RBFOX1: variants seen among roughly 807,000 people sequenced by gnomAD.
RBFOX1 encodes RNA binding protein fox-1 homolog 1.
A neutral mutation model predicts 57.7 loss-of-function variants in RBFOX1; 8 were observed. The ratio of observed to expected loss-of-function variants is 0.14; its 90% CI spans 0.08 to 0.25. The LOEUF (loss-of-function observed/expected upper bound fraction) is 0.25, where lower values mean the gene tolerates loss of function less well. Among genes scored for constraint, RBFOX1 ranks in the 10% least tolerant of loss-of-function variants. The pLI is 1.00. For synonymous variants in RBFOX1, 326 were observed against 222.4 expected, an observed-to-expected ratio of 1.47 and a Z score of -4.15; for missense variants, 611 against 548.5, an observed-to-expected ratio of 1.11 and a Z score of -1.14.
chr16:7,560,676 A>C (rs1407931781), intron 5 of RBFOX1, among the ~76,000 whole-genome samples: 1 of 152,088 alleles, frequency 6.6e-6, no homozygotes, highest in Non-Finnish European at 1.5e-5. Flanking sequence ...AGAAAGGGCG[A>C]GTGACTTTCT....
chr16:7,002,232 C>T (rs976492608), intron 3 of RBFOX1, among the ~76,000 whole-genome samples: 5 of 152,116 alleles, frequency 3.3e-5, no homozygotes, highest in South Asian at 2.1e-4. Flanking sequence ...TCACTTGAGG[C>T]CCTGGATACA....
intron 5 of RBFOX1, among the ~76,000 whole-genome samples, chr16:7,566,553 C>T (rs975504551): frequency 6.6e-6 from 1 of 152,146 alleles, no homozygotes; most frequent in African/African-American, 2.4e-5. Flanking sequence ...CGCCTAACCT[C>T]TCTGAGCCTC....
At chr16:7,424,281 T>G (rs1044682995) in intron 4 of RBFOX1, among the ~76,000 whole-genome samples, 2 of 151,688 alleles carry the variant, frequency 1.3e-5, no homozygotes, top group Admixed American at 6.6e-5. Flanking sequence ...TATATGGGGG[T>G]GGGGGTCTAG....
chr16:5,706,820 C>G (rs151054727), intron 3 of RBFOX1, among the ~76,000 whole-genome samples: 22 of 151,890 alleles, frequency 1.4e-4, no homozygotes, highest in Non-Finnish European at 2.6e-4. Context: ...GGAGGAATCA[C>G]TGGGGCAGGG....
At chr16:7,242,823 G>A (rs1417260297) in intron 4 of RBFOX1, among the ~76,000 whole-genome samples, 3 of 152,198 alleles carry the variant, frequency 2.0e-5, no homozygotes, top group Non-Finnish European at 4.4e-5. Context: ...ATTCAGACCC[G>A]ACTGACTTTG....
At chr16:6,165,312 A>G in intron 1 of RBFOX1, among the ~76,000 whole-genome samples, 1 of 152,194 alleles carries the variant, frequency 6.6e-6, no homozygotes, top group Non-Finnish European at 1.5e-5. Context: ...TTGGTTGAAA[A>G]TATTAATCTT....
At chr16:5,670,574 C>T (rs968825386) in intron 3 of RBFOX1, among the ~76,000 whole-genome samples, 1 of 152,208 alleles carries the variant, frequency 6.6e-6, no homozygotes, top group Non-Finnish European at 1.5e-5. Context: ...TGCCTGAGGT[C>T]CTGGGTTTCT....
intron 4 of RBFOX1, among the ~76,000 whole-genome samples, chr16:7,177,451 A>C (rs529293949): frequency 6.6e-6 from 1 of 152,110 alleles, no homozygotes; most frequent in African/African-American, 2.4e-5. Context: ...AAAATACCAC[A>C]AGCACACTGT....
chr16:6,895,554 T>C (rs1280686280), intron 3 of RBFOX1, among the ~76,000 whole-genome samples: 1 of 148,192 alleles, frequency 6.7e-6, no homozygotes. Flanking sequence ...CTGCACATGA[T>C]TGATGAGAGG....
chr16:7,475,894 A>G (rs2062583088), intron 4 of RBFOX1, among the ~76,000 whole-genome samples: 1 of 152,228 alleles, frequency 6.6e-6, no homozygotes, highest in Non-Finnish European at 1.5e-5. Context: ...GAAGTGGGGT[A>G]AGAAGTTCAC....
intron 4 of RBFOX1, among the ~76,000 whole-genome samples, chr16:7,323,604 G>A (rs2096573626): frequency 1.3e-5 from 2 of 152,214 alleles, no homozygotes; most frequent in African/African-American, 4.8e-5. Context: ...TACGGCCTTG[G>A]CCAATTCACT....
intron 4 of RBFOX1, among the ~76,000 whole-genome samples, chr16:7,327,752 T>G (rs1450020501): frequency 1.3e-5 from 2 of 152,144 alleles, no homozygotes; most frequent in African/African-American, 4.8e-5. Context: ...GATCTTCCAG[T>G]GTTTCAAGAG....
At chr16:7,665,432 G>A (rs2068955904) in intron 13 of RBFOX1, among the ~76,000 whole-genome samples, 1 of 152,148 alleles carries the variant, frequency 6.6e-6, no homozygotes, top group African/African-American at 2.4e-5. Context: ...TCTCTCTCTA[G>A]ACATGGACAA....
chr16:6,482,916 G>A (rs985279471), intron 2 of RBFOX1, among the ~76,000 whole-genome samples: 1 of 152,242 alleles, frequency 6.6e-6, no homozygotes, highest in African/African-American at 2.4e-5. Context: ...GATTGCTCGT[G>A]AGTTAAAATT....
At chr16:6,340,608 G>C (rs2084419289) in intron 2 of RBFOX1, among the ~76,000 whole-genome samples, 1 of 152,174 alleles carries the variant, frequency 6.6e-6, no homozygotes, top group Non-Finnish European at 1.5e-5. Context: ...AACTGTCATG[G>C]CACTGGTGGG....
chr16:7,458,127 C>A (rs1431521808), intron 4 of RBFOX1, among the ~76,000 whole-genome samples: 3 of 152,148 alleles, frequency 2.0e-5, no homozygotes, highest in Admixed American at 2.0e-4. Flanking sequence ...CAGTAAGTTG[C>A]CAACTCACTG....
At chr16:7,323,284 C>A (rs1195809188) in intron 4 of RBFOX1, among the ~76,000 whole-genome samples, 1 of 152,108 alleles carries the variant, frequency 6.6e-6, no homozygotes, top group Non-Finnish European at 1.5e-5. Flanking sequence ...AATTGCCAGA[C>A]GTGCTGGTAT....
At chr16:5,697,221 A>G (rs1190537450) in intron 3 of RBFOX1, among the ~76,000 whole-genome samples, 1 of 152,048 alleles carries the variant, frequency 6.6e-6, no homozygotes, top group Non-Finnish European at 1.5e-5. Context: ...TTGGTTGTAG[A>G]TCTTCTTAGA....
intron 3 of RBFOX1, among the ~76,000 whole-genome samples, chr16:7,045,856 C>T (rs887397559): frequency 1.3e-5 from 2 of 152,008 alleles, no homozygotes. Context: ...CAGAGTTTTA[C>T]CATGTTGGCC....
Sources: allele counts gnomAD v4.1 joint callset (sites outside exome capture counted in the v4.1 genomes callset), GRCh38; gene constraint gnomAD v4.1.1; transcripts MANE v1.5; gene names NCBI Gene and HGNC (gene_info 2026-07-23, HGNC 2026-07-21).